Variants in MARF1 observed in about 807,000 individuals in gnomAD.
The protein encoded by MARF1 is limkain-b1.
A neutral mutation model predicts 168.2 loss-of-function variants in MARF1; 24 were observed. That is an observed-to-expected ratio of 0.14 (90% CI 0.10 to 0.20). MARF1 has a LOEUF of 0.20. Ranked by LOEUF, MARF1 falls within the 10% of genes least tolerant of loss-of-function variation. MARF1 has a pLI of 1.00. For synonymous variants in MARF1, 868 were observed against 822.4 expected, an observed-to-expected ratio of 1.06 and a Z score of -0.95; for missense variants, 1,744 against 2,143.6, an observed-to-expected ratio of 0.81 and a Z score of 3.68.
Position 15,625,052 on chromosome 16 carries a change from G to A in MARF1, c.2075C>T (p.Ser692Leu), listed in dbSNP as rs746361808. The stretch of plus-strand genomic sequence containing the variant: ...TTTGTAAACGGGTTCTGCCACCCCC[G>A]AGTTTTTCGGCGTCGACACTGCAGC... ...SSAAVSTPKN[S>L]GVAEPVYKTS... The change falls in exon 9 of 27, where the codon TCG (serine) becomes TTG (leucine). Residue 692 changes from serine (S) to leucine (L), a missense_variant. Coordinates refer to ENST00000396368, the MANE Select transcript of MARF1 (RefSeq NM_014647.4). 25 of 1,614,006 alleles carry A rather than the reference G, an allele frequency of 1.5e-5. No homozygotes were observed. In the East Asian group the frequency reaches 4.5e-4, roughly 29 times the overall value.
At chr16:15,642,948 T>C in intron 1 of MARF1, 70 bp downstream of exon 1, 1 of 204,568 alleles carries the variant, frequency 4.9e-6, no homozygotes, top group South Asian at 5.7e-5. Flanking sequence ...GACACTGTCC[T>C]CCGTCCCGCC....
At chr16:15,608,203 C>T (rs72770197) in intron 21 of MARF1, 88 bp downstream of exon 21, 60,422 of 810,522 alleles carry the variant, frequency 0.075, 2,655 homozygotes, top group Middle Eastern at 0.11. Flanking sequence ...AGAAACGCTA[C>T]AGCACACGCA....
intron 4 of MARF1, among the ~76,000 whole-genome samples, chr16:15,634,294 G>A (rs1030085087): frequency 2.0e-5 from 3 of 152,166 alleles, no homozygotes; most frequent in Non-Finnish European, 4.4e-5. Flanking sequence ...TTGAGTTAAC[G>A]CTGCATTAAC....
At chr16:15,625,936 G>C (rs1451599669) in intron 7 of MARF1, 136 bp from the exon 8 acceptor site, 3 of 663,686 alleles carry the variant, frequency 4.5e-6, no homozygotes, top group Middle Eastern at 3.9e-4. Flanking sequence ...AGATGGGAGA[G>C]GGTAAATTAT....
chr16:15,599,717 G>A (rs764633853), intron 25 of MARF1, among the ~76,000 whole-genome samples: 5 of 152,172 alleles, frequency 3.3e-5, no homozygotes, highest in Admixed American at 1.3e-4. Flanking sequence ...CTACAGAGGT[G>A]GATCTATCTG....
intron 7 of MARF1, among the ~76,000 whole-genome samples, chr16:15,628,288 A>G (rs954412324): frequency 1.3e-5 from 2 of 152,180 alleles, no homozygotes; most frequent in East Asian, 1.9e-4. Flanking sequence ...GGAGGGCAAT[A>G]CCAAAATATT....
intron 2 of MARF1, 45 bp from the exon 3 acceptor site, chr16:15,636,387 TG>T (rs759073344): frequency 6.9e-7 from 1 of 1,444,162 alleles, no homozygotes; most frequent in Non-Finnish European, 9.3e-7. Flanking sequence ...ATGAGGTCCG[TG>T]GTTTTTTGGT....
At chr16:15,622,105 G>C (rs1211728307) in intron 11 of MARF1, among the ~76,000 whole-genome samples, 194 bp from the exon 12 acceptor site, 1 of 152,112 alleles carries the variant, frequency 6.6e-6, no homozygotes, top group Non-Finnish European at 1.5e-5. Context: ...TGTGACACTG[G>C]CCCGGCCTGC....
At position 15,615,971 on chromosome 16, in the gene MARF1, G is replaced by A. The variant is rs1304773257; in HGVS notation, c.3112C>T (p.Leu1038=). ...CCTTGGTTTTCTTGCACTACTTCTA[G>A]ATCGCCAAACTCTGCAATGTAACAA... ...PDCYIAEFGD[L]EVVQENQGGV... is the part of the protein sequence containing the mutation. Residue 1038 remains leucine (L), a synonymous_variant, in exon 16 of 27, where the codon CTA becomes TTA. Coordinates refer to ENST00000396368, the MANE Select transcript of MARF1 (RefSeq NM_014647.4). 2 of 1,561,094 alleles carry A rather than the reference G, an allele frequency of 1.3e-6. No homozygotes were observed. Among genetic ancestry groups the A allele is most frequent in the East Asian group, 4.7e-5 (2 of 42,438 alleles).
Position 15,594,912 on chromosome 16 carries a change from G to C in MARF1, c.*1781C>G, listed in dbSNP as rs1031195959. 6 of 152,558 alleles carry C rather than the reference G, an allele frequency of 3.9e-5. No homozygotes were observed. The highest frequency in any genetic ancestry group is 1.4e-4 in the African/African-American group (6 of 41,436). The allele number at this position is 152,558 out of a possible 1,614,324, so 9.5% of individuals were successfully genotyped here. On this transcript the variant is annotated 3_prime_UTR_variant, in exon 27 of 27. Coordinates refer to ENST00000396368, the MANE Select transcript of MARF1 (RefSeq NM_014647.4). ...GAACCTGTTCTTTGAGTCTGTTCCA[G>C]GTGACTTGTAATGATACCTCTTACG...
At chr16:15,602,659 G>A (rs1048787991) in intron 22 of MARF1, 19 of 99,140 alleles carry the variant, frequency 1.9e-4, no homozygotes, top group Non-Finnish European at 3.5e-4. Flanking sequence ...AAGGAGGAGG[G>A]ATATATTCAA....
rs1239613633 is a variant in MARF1 at position 15,621,926 on chromosome 16, G to C, written c.2461-15C>G. On this transcript the variant is annotated splice_polypyrimidine_tract_variant and intron_variant, in intron 11 of 26. Coordinates refer to ENST00000396368, the MANE Select transcript of MARF1 (RefSeq NM_014647.4). ...ACACTCTTCACCTACAACAGGAAAA[G>C]CGAAAACTAAACGCTATGTCCGCCC... 1.2e-6 allele frequency: 2 copies of C among 1,610,184 alleles called. No individual in the cohort carries two copies. The highest frequency in any genetic ancestry group is 1.7e-6 in the Non-Finnish European group (2 of 1,178,390).
intron 11 of MARF1, among the ~76,000 whole-genome samples, chr16:15,622,152 C>A (rs1411992323): frequency 6.6e-6 from 1 of 152,120 alleles, no homozygotes; most frequent in Admixed American, 6.5e-5. Flanking sequence ...CCAAGGCAGG[C>A]TCAGAGGCCA....
intron 26 of MARF1, 90 bp downstream of exon 26, chr16:15,598,764 C>T: frequency 7.7e-7 from 1 of 1,306,532 alleles, no homozygotes; most frequent in South Asian, 1.3e-5. Flanking sequence ...GTAGTCCCTT[C>T]CCACCTCCGT....
chr16:15,643,148 CT>C lies in MARF1; in HGVS notation c.-190del. The C allele has an allele frequency of 3.4e-6, 1 of 292,734 alleles. No individual in the cohort carries two copies. Among genetic ancestry groups the C allele is most frequent in the South Asian group, 2.5e-5 (1 of 39,234 alleles). 18.1% of individuals were successfully genotyped at this position (292,734 alleles called of 1,614,324 possible). A position where few individuals can be genotyped will look rare whatever the true frequency, so the allele number is the denominator to read the frequency against. On this transcript the variant is annotated 5_prime_UTR_variant, in exon 1 of 27. Coordinates refer to ENST00000396368, the MANE Select transcript of MARF1 (RefSeq NM_014647.4). ...CCGCCAAGCGCACCCTTCACTTCCGCTTCCGCACCGCACCGCCCCTGTCGCA... is the reference window on the plus strand; with the variant it reads ...CCGCCAAGCGCACCCTTCACTTCCGCTCCGCACCGCACCGCCCCTGTCGCA...
intron 13 of MARF1, among the ~76,000 whole-genome samples, chr16:15,619,434 CCT>C (rs547073698): frequency 3.4e-3 from 519 of 152,306 alleles, no homozygotes; most frequent in Non-Finnish European, 5.8e-3. Flanking sequence ...CCTTCTCTCC[CCT>C]GTTCCTGCCC....
In MARF1 at chr16:15,617,527, T is replaced by C. The variant is rs371772020; in HGVS notation, c.2729A>G (p.His910Arg). 6.8e-5 allele frequency: 110 copies of C among 1,606,940 alleles called. No individual in the cohort carries two copies. Among genetic ancestry groups the C allele is most frequent in the Non-Finnish European group, 9.1e-5 (107 of 1,175,932 alleles). The change falls in exon 14 of 27, where the codon CAC becomes CGC. Residue 910 changes from histidine (H) to arginine (R), a missense_variant. Physicochemically the swap from His to Arg is conservative, Grantham distance 29 (BLOSUM62 0). This residue lies in a region of MARF1 where 543 missense variants were observed against 742.1 expected (regional missense o/e 0.73). Transcript: ENST00000396368. ...ATATAGATCTGACACATTCAACTTGTGTCCAAACCTAAAAGCAAGAGAAGA... is the reference window on the plus strand; with the variant it reads ...ATATAGATCTGACACATTCAACTTGCGTCCAAACCTAAAAGCAAGAGAAGA... ...FTDIYEKKFG[H>R]KLNVSDLYKL...
chr16:15,635,017 TC>T, intron 3 of MARF1, 86 bp from the exon 4 acceptor site: 1 of 1,178,792 alleles, frequency 8.5e-7, no homozygotes, highest in Non-Finnish European at 1.2e-6. Context: ...GAAAATACAC[TC>T]TAAGTGTTTT....
Position 15,596,589 on chromosome 16 carries a change from C to CGGG in MARF1, c.*101_*103dup. Reference sequence around the variant, plus strand: ...ACAGGTAAGATGAAGTCAATGGCTTCGGGGGGTTTTCATGACACAGAAAAG... The same window carrying CGGG: ...ACAGGTAAGATGAAGTCAATGGCTTCGGGGGGGGGTTTTCATGACACAGAAAAG... On this transcript the variant is annotated 3_prime_UTR_variant, in exon 27 of 27. Transcript: ENST00000396368. 8.2e-7 allele frequency: 1 copy of CGGG among 1,223,172 alleles called. No homozygotes were observed. Among genetic ancestry groups the CGGG allele is most frequent in the Admixed American group, 2.6e-5 (1 of 38,386 alleles). 75.8% of individuals were successfully genotyped at this position (1,223,172 alleles called of 1,614,324 possible).
Sources: gnomAD v4.1 joint callset for allele counts (sites outside exome capture counted in the v4.1 genomes callset) on GRCh38, gnomAD v4.1.1 for gene constraint, gnomAD v4.1.1 regional missense constraint, MANE v1.5 for transcripts, NCBI Gene and HGNC (gene_info 2026-07-23, HGNC 2026-07-21) for gene names.